The following PPP1R14C variants were observed in gnomAD, a reference collection of about 807,000 sequenced individuals.
The protein encoded by PPP1R14C is protein phosphatase 1 regulatory inhibitor subunit 14C, also known as protein phosphatase 1 regulatory subunit 14C.
Under a neutral mutation model 20.4 loss-of-function variants are expected in PPP1R14C, and 16 were observed. The ratio of observed to expected loss-of-function variants is 0.78; its 90% CI spans 0.53 to 1.19. The LOEUF (loss-of-function observed/expected upper bound fraction) is 1.19. PPP1R14C is among the 50% of genes most tolerant of loss of function. PPP1R14C has a pLI of 0.00. For synonymous variants in PPP1R14C, 91 were observed against 91.0 expected (o/e 1.00, Z 0.00); for missense variants, 211 against 220.1 (o/e 0.96, Z 0.26).
chr6:150,188,983 T>C (rs1777710610), intron 1 of PPP1R14C, among the ~76,000 whole-genome samples: 1 of 152,008 alleles, frequency 6.6e-6, no homozygotes, highest in African/African-American at 2.4e-5. Context: ...CTCAGCCTCC[T>C]GAGTAGCTGG....
intron 1 of PPP1R14C, among the ~76,000 whole-genome samples, chr6:150,179,837 C>A (rs1777601778): frequency 6.6e-6 from 1 of 152,170 alleles, no homozygotes; most frequent in Admixed American, 6.5e-5. Context: ...TACTTAGACT[C>A]TGTTTTTTGG....
intron 1 of PPP1R14C, among the ~76,000 whole-genome samples, chr6:150,193,969 T>A (rs543391524): frequency 1.4e-4 from 22 of 152,278 alleles, no homozygotes; most frequent in African/African-American, 4.8e-4. Context: ...CTGTGGGAGA[T>A]CATTGAATCA....
chr6:150,148,051 C>G (rs929610116), intron 1 of PPP1R14C, among the ~76,000 whole-genome samples: 7 of 152,166 alleles, frequency 4.6e-5, no homozygotes, highest in Non-Finnish European at 2.9e-5. Flanking sequence ...TGTTTAAATA[C>G]CATGTTTTAT....
At chr6:150,171,186 T>C (rs1439965086) in intron 1 of PPP1R14C, among the ~76,000 whole-genome samples, 1 of 152,212 alleles carries the variant, frequency 6.6e-6, no homozygotes, top group Non-Finnish European at 1.5e-5. Flanking sequence ...TTTAATGACA[T>C]GTACCCACCA....
chr6:150,238,488 C>T (rs1582933879), intron 3 of PPP1R14C, among the ~76,000 whole-genome samples: 1 of 152,252 alleles, frequency 6.6e-6, no homozygotes, highest in African/African-American at 2.4e-5. Context: ...CCTCTCAGAG[C>T]TCTGGCTGCC....
chr6:150,186,778 G>C (rs995912831), intron 1 of PPP1R14C, among the ~76,000 whole-genome samples: 4 of 152,070 alleles, frequency 2.6e-5, no homozygotes, highest in Non-Finnish European at 4.4e-5. Flanking sequence ...GGGAAGAAAG[G>C]GGGAGAAAGT....
At chr6:150,207,893 G>A (rs1777973283) in intron 1 of PPP1R14C, among the ~76,000 whole-genome samples, 2 of 152,164 alleles carry the variant, frequency 1.3e-5, no homozygotes, top group South Asian at 4.1e-4. Flanking sequence ...CAAGGCCTGG[G>A]AAGTTCAAGG....
chr6:150,169,084 C>T (rs1402489230), intron 1 of PPP1R14C, among the ~76,000 whole-genome samples: 1 of 152,182 alleles, frequency 6.6e-6, no homozygotes, highest in Non-Finnish European at 1.5e-5. Flanking sequence ...ACCATGTTGC[C>T]CAGGGTGGTC....
intron 1 of PPP1R14C, among the ~76,000 whole-genome samples, chr6:150,189,790 G>A (rs1777721081): frequency 6.6e-6 from 1 of 152,126 alleles, no homozygotes. Context: ...GCACACCTCT[G>A]GATAAAACTG....
Position 150,204,012 on chromosome 6 carries a change from C to T in PPP1R14C, c.307-10732C>T, listed in dbSNP as rs951441718. On this transcript the variant is annotated intron_variant, in intron 1 of 3. Transcript: ENST00000361131. ...GGACCAGTGCCAAGCCTGTAGCTTC[C>T]GCATGGTGTTCCTCTCCCTTCCGGG... 3.9e-5 allele frequency among the ~76,000 whole-genome samples: 6 copies of T among 152,306 alleles called. No homozygotes were observed. The Middle Eastern group carries it at 0.01, about 259-fold the overall frequency.
intron 1 of PPP1R14C, among the ~76,000 whole-genome samples, chr6:150,210,748 G>A (rs921632405): frequency 5.3e-5 from 8 of 152,198 alleles, no homozygotes; most frequent in African/African-American, 1.9e-4. Context: ...CAGCAGCACT[G>A]AGCACATATT....
chr6:150,235,534 G>A (rs1487235409), intron 3 of PPP1R14C, among the ~76,000 whole-genome samples: 1 of 152,202 alleles, frequency 6.6e-6, no homozygotes, highest in African/African-American at 2.4e-5. Context: ...AAAGAGAAAA[G>A]GAAAAATAGG....
intron 3 of PPP1R14C, among the ~76,000 whole-genome samples, chr6:150,221,655 A>G (rs1778168747): frequency 6.6e-6 from 1 of 152,174 alleles, no homozygotes; most frequent in Admixed American, 6.5e-5. Flanking sequence ...GTCTTATGCC[A>G]ATGCTAGCAC....
chr6:150,163,458 G>C (rs1484537812), intron 1 of PPP1R14C, among the ~76,000 whole-genome samples: 5 of 152,164 alleles, frequency 3.3e-5, no homozygotes, highest in African/African-American at 1.2e-4. Flanking sequence ...AAACCCAAGT[G>C]TAAGTGCACA....
At chr6:150,186,628 G>A (rs992045506) in intron 1 of PPP1R14C, among the ~76,000 whole-genome samples, 5 of 152,278 alleles carry the variant, frequency 3.3e-5, no homozygotes, top group South Asian at 4.1e-4. Flanking sequence ...ACATCATGGC[G>A]GCTCAGAGAG....
At chr6:150,179,505 G>T (rs114364331) in intron 1 of PPP1R14C, among the ~76,000 whole-genome samples, 1 of 152,026 alleles carries the variant, frequency 6.6e-6, no homozygotes, top group African/African-American at 2.4e-5. Flanking sequence ...GGTGTAGAGA[G>T]TCCAGATAAG....
intron 1 of PPP1R14C, among the ~76,000 whole-genome samples, chr6:150,145,178 A>G (rs1051139529): frequency 6.6e-6 from 1 of 152,242 alleles, no homozygotes; most frequent in African/African-American, 2.4e-5. Flanking sequence ...AAAATACTTC[A>G]GAATAATTAG....
intron 1 of PPP1R14C, among the ~76,000 whole-genome samples, chr6:150,174,342 C>G (rs1777533706): frequency 6.6e-6 from 1 of 152,024 alleles, no homozygotes; most frequent in African/African-American, 2.4e-5. Flanking sequence ...GCCTCAGCCT[C>G]CTGAGTAGCT....
intron 1 of PPP1R14C, among the ~76,000 whole-genome samples, chr6:150,150,810 C>A (rs1170658833): frequency 6.6e-6 from 1 of 152,128 alleles, no homozygotes; most frequent in African/African-American, 2.4e-5. Flanking sequence ...ACCTCTCTGG[C>A]CCATTCATTT....
Sources: allele counts gnomAD v4.1 joint callset (sites outside exome capture counted in the v4.1 genomes callset), GRCh38; gene constraint gnomAD v4.1.1; transcripts MANE v1.5; gene names NCBI Gene and HGNC (gene_info 2026-07-23, HGNC 2026-07-21).